NXPE2: variants seen among roughly 807,000 people sequenced by gnomAD.
The protein encoded by NXPE2 is NXPE family member 2.
In NXPE2, 34 loss-of-function variants were observed where a neutral mutation model predicts 34.4. The ratio of observed to expected loss-of-function variants is 0.99; its 90% CI spans 0.75 to 1.31. The LOEUF is 1.31. Ranked by LOEUF, NXPE2 falls within the 40% of genes most tolerant of loss-of-function variation. NXPE2 has a pLI of 0.00. For missense variants in NXPE2, 649 were observed against 672.5 expected, an observed-to-expected ratio of 0.97 and a Z score of 0.39; for synonymous variants, 235 against 231.3, an observed-to-expected ratio of 1.02 and a Z score of -0.15.
the NXPE2 span, among the ~76,000 whole-genome samples, chr11:114,806,423 T>C: frequency 2.4e-5 from 3 of 125,206 alleles, no homozygotes; most frequent in African/African-American, 9.0e-5. Flanking sequence ...TTCGAACCAA[T>C]GGCAAAGAAG....
the NXPE2 span, among the ~76,000 whole-genome samples, chr11:114,730,587 T>C: frequency 2.6e-5 from 4 of 152,198 alleles, no homozygotes; most frequent in African/African-American, 9.6e-5. Context: ...TAGTGTTTTG[T>C]AGTTCTTCTT....
the NXPE2 span, among the ~76,000 whole-genome samples, chr11:114,521,248 C>T: frequency 8.5e-5 from 13 of 152,320 alleles, no homozygotes; most frequent in Non-Finnish European, 1.3e-4. Context: ...CCACTTACGA[C>T]ACATGAGAGA....
chr11:114,596,758 C>T, the NXPE2 span, among the ~76,000 whole-genome samples: 2 of 152,156 alleles, frequency 1.3e-5, no homozygotes, highest in East Asian at 3.8e-4. Flanking sequence ...ATGCCAGCAA[C>T]CACCCAAGTT....
chr11:114,584,003 A>G, the NXPE2 span: 5 of 361,586 alleles, frequency 1.4e-5, no homozygotes, highest in Non-Finnish European at 2.7e-5. Context: ...AGTAATAGAG[A>G]TGTTCCTGTC....
the NXPE2 span, among the ~76,000 whole-genome samples, chr11:114,498,263 A>G: frequency 2.0e-5 from 3 of 152,092 alleles, no homozygotes; most frequent in Non-Finnish European, 4.4e-5. Context: ...ATCCCCATTT[A>G]ACAATAATTT....
the NXPE2 span, among the ~76,000 whole-genome samples, chr11:114,469,781 C>T: frequency 3.4e-4 from 51 of 152,170 alleles, no homozygotes; most frequent in Non-Finnish European, 5.4e-4. Flanking sequence ...CCACAGTTAA[C>T]GTAATGAACA....
chr11:114,626,787 T>A, the NXPE2 span, among the ~76,000 whole-genome samples: 1 of 152,052 alleles, frequency 6.6e-6, no homozygotes. Flanking sequence ...TTTAGAATAA[T>A]GTATAACTAG....
the NXPE2 span, among the ~76,000 whole-genome samples, chr11:114,517,621 A>G: frequency 6.6e-6 from 1 of 152,222 alleles, no homozygotes; most frequent in Non-Finnish European, 1.5e-5. Flanking sequence ...TGCTGGGCCC[A>G]GTGCTAAGGA....
the NXPE2 span, among the ~76,000 whole-genome samples, chr11:114,620,349 CA>C: frequency 6.6e-6 from 1 of 151,154 alleles, no homozygotes; most frequent in African/African-American, 2.4e-5. Flanking sequence ...CACTGGTAAC[CA>C]CTGTTACCGG....
At chr11:114,656,485 G>T in the NXPE2 span, among the ~76,000 whole-genome samples, 8 of 152,052 alleles carry the variant, frequency 5.3e-5, no homozygotes, top group Admixed American at 6.6e-5. Context: ...AATTCTAAAA[G>T]CTGGAGGAAT....
Position 114,698,510 on chromosome 11 carries a change from G to C in NXPE2, c.598G>C (p.Val200Leu), listed in dbSNP as rs1451730467. The C allele has an allele frequency of 1.2e-6, 2 of 1,614,098 alleles. 1 individual carries two copies. Among genetic ancestry groups the C allele is most frequent in the South Asian group, 2.2e-5 (2 of 91,082 alleles). The change falls in exon 3 of 6, where the codon GTA becomes CTA. Residue 200 changes from valine to leucine, a missense_variant. By Grantham distance (32) the Val-to-Leu change is conservative. Transcript: ENST00000389586. ...SLLLIHPSEG[V>L]SALWRARNQG... ...GCTGCTCATCCACCCCAGTGAAGGG[G>C]TATCAGCTCTCTGGAGGGCAAGGAA...
the NXPE2 span, among the ~76,000 whole-genome samples, chr11:114,661,727 T>C: frequency 6.6e-6 from 1 of 152,252 alleles, no homozygotes; most frequent in African/African-American, 2.4e-5. Flanking sequence ...CCAAGGCCAC[T>C]GGTGACTTGT....
chr11:114,725,992 T>TATATATAA, the NXPE2 span, among the ~76,000 whole-genome samples: 10 of 140,032 alleles, frequency 7.1e-5, no homozygotes, highest in African/African-American at 2.0e-4. Context: ...TATATATATA[T>TATATATAA]AAAAAGAAAA....
At chr11:114,614,966 G>T in the NXPE2 span, among the ~76,000 whole-genome samples, 2 of 150,288 alleles carry the variant, frequency 1.3e-5, no homozygotes, top group East Asian at 4.0e-4. Flanking sequence ...TGGTGGATAA[G>T]TATTGCCTCG....
the NXPE2 span, among the ~76,000 whole-genome samples, chr11:114,549,212 T>C: frequency 6.6e-6 from 1 of 151,954 alleles, no homozygotes; most frequent in Non-Finnish European, 1.5e-5. Context: ...CAATATTACT[T>C]AAATAAGTTC....
chr11:114,638,211 A>T, the NXPE2 span, among the ~76,000 whole-genome samples: 1 of 151,072 alleles, frequency 6.6e-6, no homozygotes, highest in East Asian at 1.9e-4. Context: ...CATTTCATTC[A>T]TTTCGTCTTT....
chr11:114,753,638 T>C, the NXPE2 span, among the ~76,000 whole-genome samples: 1 of 152,228 alleles, frequency 6.6e-6, no homozygotes, highest in African/African-American at 2.4e-5. Context: ...TCTCACTAGA[T>C]AAATGATGCT....
chr11:114,496,022 T>A, the NXPE2 span, among the ~76,000 whole-genome samples: 1 of 152,158 alleles, frequency 6.6e-6, no homozygotes, highest in Non-Finnish European at 1.5e-5. Context: ...GCAGCTGGTA[T>A]CTCACTTGGT....
At chr11:114,544,464 G>A in the NXPE2 span, among the ~76,000 whole-genome samples, 1 of 152,118 alleles carries the variant, frequency 6.6e-6, no homozygotes, top group Admixed American at 6.5e-5. Flanking sequence ...AGGCACAAAG[G>A]CAATTTGATG....
Sources: allele counts gnomAD v4.1 joint callset (sites outside exome capture counted in the v4.1 genomes callset), GRCh38; gene constraint gnomAD v4.1.1; transcripts MANE v1.5; gene names NCBI Gene and HGNC (gene_info 2026-07-23, HGNC 2026-07-21).